LSAMP: variants seen among roughly 807,000 people sequenced by gnomAD.
The protein encoded by LSAMP is limbic system-associated membrane protein.
In LSAMP, 7 loss-of-function variants were observed where a neutral mutation model predicts 38.6. The ratio of observed to expected loss-of-function variants is 0.18; its 90% CI spans 0.10 to 0.34. The LOEUF (loss-of-function observed/expected upper bound fraction) is 0.34. Among genes scored for constraint, LSAMP ranks in the 10% least tolerant of loss-of-function variants. The pLI is 1.00. For missense variants in LSAMP, 313 were observed against 420.0 expected (o/e 0.75, Z 2.23); for synonymous variants, 154 against 166.8 (o/e 0.92, Z 0.59).
intron 6 of LSAMP, among the ~76,000 whole-genome samples, chr3:115,818,234 A>C (rs1934093693): frequency 6.6e-6 from 1 of 152,202 alleles, no homozygotes; most frequent in Admixed American, 6.5e-5. Flanking sequence ...TCTTGTGCAA[A>C]GTGCAACTTT....
At chr3:116,251,512 T>C (rs1481266932) in intron 1 of LSAMP, among the ~76,000 whole-genome samples, 1 of 152,188 alleles carries the variant, frequency 6.6e-6, no homozygotes, top group Non-Finnish European at 1.5e-5. Flanking sequence ...AGGTCAGCAA[T>C]ACAGATAGAG....
At chr3:116,318,226 A>C (rs1393446096) in intron 1 of LSAMP, among the ~76,000 whole-genome samples, 1 of 152,062 alleles carries the variant, frequency 6.6e-6, no homozygotes, top group Non-Finnish European at 1.5e-5. Flanking sequence ...AGTTCCTTAG[A>C]CAATCTACAT....
At chr3:116,143,087 T>C (rs1709409426) in intron 1 of LSAMP, among the ~76,000 whole-genome samples, 1 of 150,902 alleles carries the variant, frequency 6.6e-6, no homozygotes, top group Non-Finnish European at 1.5e-5. Context: ...TCCAACATGA[T>C]ATAACATTTA....
intron 1 of LSAMP, among the ~76,000 whole-genome samples, chr3:116,414,483 A>G (rs1433086851): frequency 6.6e-6 from 1 of 152,128 alleles, no homozygotes; most frequent in Non-Finnish European, 1.5e-5. Context: ...TTTTGAAAAC[A>G]TAGGTCTGAC....
chr3:116,107,175 G>A (rs996014493), intron 1 of LSAMP, among the ~76,000 whole-genome samples: 18 of 152,170 alleles, frequency 1.2e-4, no homozygotes, highest in African/African-American at 4.3e-4. Flanking sequence ...GTCAGGTGTG[G>A]TATCTGGAAT....
At chr3:116,198,433 TG>T (rs1375975744) in intron 1 of LSAMP, among the ~76,000 whole-genome samples, 1 of 151,996 alleles carries the variant, frequency 6.6e-6, no homozygotes, top group Non-Finnish European at 1.5e-5. Context: ...TGGGTGGGAG[TG>T]ATGCTTAGTT....
intron 1 of LSAMP, among the ~76,000 whole-genome samples, chr3:116,397,396 C>A (rs559430067): frequency 2.5e-4 from 35 of 138,962 alleles, no homozygotes; most frequent in Admixed American, 4.3e-4. Context: ...GCCCCCCCCC[C>A]ACACACACAT....
intron 3 of LSAMP, among the ~76,000 whole-genome samples, chr3:115,990,269 C>T (rs4831223): frequency 0.37 from 56,856 of 151,716 alleles, 10,797 homozygotes; most frequent in African/African-American, 0.44. Context: ...ATCACTTTGC[C>T]GTTTAGAGGG....
chr3:116,417,054 C>G (rs1576208074), intron 1 of LSAMP, among the ~76,000 whole-genome samples: 1 of 152,196 alleles, frequency 6.6e-6, no homozygotes, highest in African/African-American at 2.4e-5. Context: ...TTTATTTGCT[C>G]TTTTCTTTTT....
intron 1 of LSAMP, among the ~76,000 whole-genome samples, chr3:116,320,776 TAGCACAGTGACCGGCACATC>T (rs2047697019): frequency 6.6e-6 from 1 of 152,178 alleles, no homozygotes; most frequent in African/African-American, 2.4e-5. Flanking sequence ...ATGGCAGCAC[TAGCACAGTGACCGGCACATC>T]ATAAGCAAGC....
Position 116,005,217 on chromosome 3 carries a change from T to C in LSAMP, c.514+14298A>G, listed in dbSNP as rs185357552. Among the ~76,000 whole-genome samples, 3 of 152,308 alleles carry C rather than the reference T, an allele frequency of 2.0e-5. No homozygotes were observed. In the East Asian group the frequency reaches 5.8e-4, roughly 29 times the overall value. ...CTAACTCCCTGTCTTAGTGTTTCCA[T>C]GGATATTGAGAATCTCTTCAAACCC... On this transcript the variant is annotated intron_variant, in intron 3 of 6. Transcript: ENST00000490035.
intron 1 of LSAMP, among the ~76,000 whole-genome samples, chr3:116,385,794 T>G (rs1379791766): frequency 1.3e-5 from 2 of 152,100 alleles, no homozygotes; most frequent in Non-Finnish European, 2.9e-5. Context: ...TTGAGTACTG[T>G]TTGGGGTAGT....
In LSAMP at chr3:116,299,912, C is replaced by A. The variant is rs80019305; in HGVS notation, c.155+144965G>T. ...AGCCACAAGTCAGGTAAGCATTGAG[C>A]CTGACAGCTCAGGAAAATGACCCAC... On this transcript the variant is annotated intron_variant, in intron 1 of 6. Coordinates refer to ENST00000490035, the MANE Select transcript of LSAMP (RefSeq NM_002338.5). Among the ~76,000 whole-genome samples the A allele has an allele frequency of 8.4e-3, 1,286 of 152,294 alleles. 53 individuals are homozygous for A. The highest frequency in any genetic ancestry group is 0.063 in the Admixed American group (964 of 15,294).
rs565808011 is a variant in LSAMP at position 116,070,912 on chromosome 3, C to A, written c.388+15412G>T. On this transcript the variant is annotated intron_variant, in intron 2 of 6. Coordinates refer to ENST00000490035, the MANE Select transcript of LSAMP (RefSeq NM_002338.5). ...AAAATTAGCTGGGCGTGGTGTCACA[C>A]GCCTGTAATCCCAGCTACTAGGGAG... 4.7e-4 allele frequency among the ~76,000 whole-genome samples: 72 copies of A among 151,972 alleles called. 1 individual carries two copies. In the South Asian group the frequency reaches 0.014, roughly 30 times the overall value.
intron 1 of LSAMP, among the ~76,000 whole-genome samples, chr3:116,204,215 G>A (rs1292000878): frequency 1.3e-5 from 2 of 151,584 alleles, no homozygotes; most frequent in Non-Finnish European, 2.9e-5. Context: ...AGAAGTGTCT[G>A]TTCATGTCCT....
At chr3:116,347,112 A>G (rs558255342) in intron 1 of LSAMP, among the ~76,000 whole-genome samples, 4 of 152,318 alleles carry the variant, frequency 2.6e-5, no homozygotes, top group Admixed American at 2.0e-4. Flanking sequence ...CAGCAAGTAC[A>G]TTTTCTAATC....
intron 3 of LSAMP, among the ~76,000 whole-genome samples, chr3:115,881,570 C>T (rs955469651): frequency 1.3e-5 from 2 of 152,078 alleles, no homozygotes; most frequent in African/African-American, 4.8e-5. Context: ...GAGCAAGCAT[C>T]CTTTTACTGC....
At chr3:116,058,703 A>G (rs1941536019) in intron 2 of LSAMP, among the ~76,000 whole-genome samples, 1 of 152,116 alleles carries the variant, frequency 6.6e-6, no homozygotes, top group African/African-American at 2.4e-5. Context: ...AGTTAAGAAA[A>G]TTTAGTTTGG....
chr3:116,391,383 C>G (rs1016300050), intron 1 of LSAMP, among the ~76,000 whole-genome samples: 1 of 152,172 alleles, frequency 6.6e-6, no homozygotes, highest in Non-Finnish European at 1.5e-5. Context: ...AGGCCAGGAA[C>G]CTCTGCTGCT....
Sources: gnomAD v4.1 joint callset for allele counts (sites outside exome capture counted in the v4.1 genomes callset) on GRCh38, gnomAD v4.1.1 for gene constraint, MANE v1.5 for transcripts, NCBI Gene and HGNC (gene_info 2026-07-23, HGNC 2026-07-21) for gene names.